ATP8A2: variants seen among roughly 807,000 people sequenced by gnomAD.
ATP8A2 encodes the protein ATPase phospholipid transporting 8A2.
Under a neutral mutation model 165.6 loss-of-function variants are expected in ATP8A2, and 100 were observed. The ratio of observed to expected loss-of-function variants is 0.60; its 90% CI spans 0.51 to 0.71. ATP8A2 has a LOEUF of 0.71. ATP8A2 is among the 30% of genes least tolerant of loss of function. The pLI is 0.00. For synonymous variants in ATP8A2, 543 were observed against 548.8 expected (o/e 0.99, Z 0.15); for missense variants, 1,227 against 1,479.5 (o/e 0.83, Z 2.80).
intron 35 of ATP8A2, among the ~76,000 whole-genome samples, chr13:26,005,829 A>G (rs1956726705): frequency 6.6e-6 from 1 of 152,138 alleles, no homozygotes; most frequent in East Asian, 1.9e-4. Context: ...CCATTGATGT[A>G]TGGGTTTATT....
intron 1 of ATP8A2, among the ~76,000 whole-genome samples, chr13:25,435,025 GCTGGGGCAC>G (rs1390067663): frequency 2.0e-5 from 3 of 152,054 alleles, no homozygotes; most frequent in African/African-American, 7.2e-5. Context: ...TCCGTTCTGT[GCTGGGGCAC>G]CTTGAGTTCT....
chr13:25,744,913 G>A (rs1054470416), intron 25 of ATP8A2, among the ~76,000 whole-genome samples: 7 of 150,630 alleles, frequency 4.6e-5, no homozygotes, highest in Admixed American at 3.3e-4. Flanking sequence ...GAGCACTAGA[G>A]CAGGGGCCCA....
Position 25,555,000 on chromosome 13 carries a change from A to G in ATP8A2, c.1195A>G (p.Met399Val). Residue 399 changes from methionine (M) to valine (V), a missense_variant, in exon 13 of 37, where the codon ATG becomes GTG. By Grantham distance (21) the Met-to-Val change is conservative. Transcript: ENST00000381655. ...GTTCTCTCTCTCTCAGGACACAGAT[A>G]TGTATTATATAGGAAATGACACTCC... ...QALFINWDTD[M>V]YYIGNDTPAM... The G allele has an allele frequency of 6.2e-7, 1 of 1,600,384 alleles. No homozygotes were observed. The highest frequency in any genetic ancestry group is 2.2e-5 in the East Asian group (1 of 44,790).
chr13:25,844,724 A>G (rs1408429100), intron 30 of ATP8A2, among the ~76,000 whole-genome samples: 1 of 152,036 alleles, frequency 6.6e-6, no homozygotes, highest in Non-Finnish European at 1.5e-5. Context: ...GGCCACCCAC[A>G]CCCAGAGCCC....
At chr13:25,698,819 A>G (rs1181056164) in intron 24 of ATP8A2, among the ~76,000 whole-genome samples, 2 of 152,140 alleles carry the variant, frequency 1.3e-5, no homozygotes, top group Admixed American at 6.5e-5. Context: ...GCAAACTGAG[A>G]AATGTTAGTG....
At chr13:25,700,157 G>A (rs894568690) in intron 25 of ATP8A2, among the ~76,000 whole-genome samples, 11 of 152,140 alleles carry the variant, frequency 7.2e-5, no homozygotes, top group Non-Finnish European at 1.2e-4. Flanking sequence ...AGGAAACCTG[G>A]TGCAGCTGTG....
intron 1 of ATP8A2, among the ~76,000 whole-genome samples, chr13:25,393,509 G>A (rs972935613): frequency 2.6e-5 from 4 of 152,096 alleles, no homozygotes; most frequent in African/African-American, 4.8e-5. Flanking sequence ...TCTGCCTCCT[G>A]GGTTCAAGTG....
chr13:25,812,182 G>A (rs543876687), intron 27 of ATP8A2, among the ~76,000 whole-genome samples: 140 of 151,078 alleles, frequency 9.3e-4, no homozygotes, highest in South Asian at 2.9e-3. Context: ...GTTTCTAATG[G>A]CCTTTCTTTT....
At chr13:25,375,646 C>G (rs2032595519) in intron 1 of ATP8A2, among the ~76,000 whole-genome samples, 1 of 147,508 alleles carries the variant, frequency 6.8e-6, no homozygotes, top group African/African-American at 2.5e-5. Context: ...GATCTCGGCT[C>G]ACTGCAACCT....
chr13:25,625,393 G>T (rs4073365), intron 24 of ATP8A2, among the ~76,000 whole-genome samples: 1 of 152,044 alleles, frequency 6.6e-6, no homozygotes. Flanking sequence ...TCCACACAAC[G>T]TGAAGTAATT....
chr13:25,848,979 C>A (rs868052026), intron 30 of ATP8A2, among the ~76,000 whole-genome samples: 2 of 151,858 alleles, frequency 1.3e-5, no homozygotes, highest in Admixed American at 6.6e-5. Flanking sequence ...TTCCTCTGAG[C>A]CACTGGAGTC....
chr13:25,505,569 G>T (rs1345450005), intron 2 of ATP8A2, among the ~76,000 whole-genome samples: 1 of 151,968 alleles, frequency 6.6e-6, no homozygotes, highest in African/African-American at 2.4e-5. Context: ...TTTGTTCTCA[G>T]TGTATCTGAC....
At chr13:25,572,286 G>A (rs994465622) in intron 18 of ATP8A2, among the ~76,000 whole-genome samples, 2 of 152,132 alleles carry the variant, frequency 1.3e-5, no homozygotes, top group African/African-American at 4.8e-5. Flanking sequence ...CTACAGGCAC[G>A]TGCCACCACG....
intron 6 of ATP8A2, among the ~76,000 whole-genome samples, chr13:25,534,499 C>T (rs1420729115): frequency 2.0e-5 from 3 of 152,162 alleles, no homozygotes; most frequent in African/African-American, 7.2e-5. Flanking sequence ...GAGGGCCTGA[C>T]ATTACTTGAA....
intron 33 of ATP8A2, among the ~76,000 whole-genome samples, chr13:25,905,415 G>GCTCT (rs527994694): frequency 8.0e-5 from 12 of 149,376 alleles, no homozygotes; most frequent in South Asian, 6.4e-4. Flanking sequence ...ATTTTTATAT[G>GCTCT]CTCTCTCTCT....
intron 25 of ATP8A2, among the ~76,000 whole-genome samples, chr13:25,722,364 A>T (rs892713534): frequency 2.6e-5 from 4 of 152,124 alleles, no homozygotes; most frequent in African/African-American, 9.7e-5. Flanking sequence ...TGGTCCCAAG[A>T]CTTCCTTGAA....
At chr13:25,490,384 G>A (rs1018476335) in intron 2 of ATP8A2, among the ~76,000 whole-genome samples, 2 of 152,320 alleles carry the variant, frequency 1.3e-5, no homozygotes, top group South Asian at 2.1e-4. Flanking sequence ...GCCAGGAGCC[G>A]GGGCTCCCAT....
At chr13:25,645,864 T>C (rs1187072425) in intron 24 of ATP8A2, among the ~76,000 whole-genome samples, 5 of 152,190 alleles carry the variant, frequency 3.3e-5, no homozygotes, top group East Asian at 3.9e-4. Flanking sequence ...ATGCTTCATA[T>C]GTGCTTGAGA....
In ATP8A2 at chr13:25,642,002, AG is replaced by A. The variant is rs527940113; in HGVS notation, c.2211+52305del. Among the ~76,000 whole-genome samples the A allele has an allele frequency of 1.5e-3, 231 of 152,360 alleles. 1 individual carries two copies. Among genetic ancestry groups the A allele is most frequent in the African/African-American group, 5.4e-3 (225 of 41,586 alleles). ...CCTGACAGAAACAAGAAATGGGGAA[AG>A]GATTCCCTATTTAATAAATGGCGCT... On this transcript the variant is annotated intron_variant, in intron 24 of 36. Transcript: ENST00000381655.
Sources: gnomAD v4.1 joint callset for allele counts (sites outside exome capture counted in the v4.1 genomes callset) on GRCh38, gnomAD v4.1.1 for gene constraint, MANE v1.5 for transcripts, NCBI Gene and HGNC (gene_info 2026-07-23, HGNC 2026-07-21) for gene names.